The following ZFPM1 variants were observed in gnomAD, a reference collection of about 807,000 sequenced individuals.
ZFPM1 encodes the protein zinc finger protein, FOG family member 1, also known as zinc finger protein ZFPM1.
ZFPM1 carries 28 observed loss-of-function variants against 46.3 expected under a neutral mutation model. The observed-to-expected ratio is 0.60, with a 90% CI of 0.45 to 0.83. The LOEUF (loss-of-function observed/expected upper bound fraction) is 0.83. ZFPM1 is among the 40% of genes least tolerant of loss of function. The pLI, the probability that ZFPM1 is intolerant of heterozygous loss-of-function variation, is 0.00. For synonymous variants in ZFPM1, 957 were observed against 675.9 expected (o/e 1.42, Z -6.45); for missense variants, 1,878 against 1,432.4 (o/e 1.31, Z -5.02).
intron 1 of ZFPM1, among the ~76,000 whole-genome samples, chr16:88,470,961 C>T (rs972608488): frequency 2.0e-5 from 3 of 152,110 alleles, no homozygotes; most frequent in Admixed American, 6.5e-5. Flanking sequence ...GGAGACGCAG[C>T]GTGACGCACT....
intron 1 of ZFPM1, among the ~76,000 whole-genome samples, chr16:88,478,285 C>T (rs1908774205): frequency 6.6e-6 from 1 of 152,256 alleles, no homozygotes; most frequent in African/African-American, 2.4e-5. Context: ...AAGCCGCACC[C>T]TCACCGGCAT....
upstream of ZFPM1, among the ~76,000 whole-genome samples, chr16:88,452,912 G>C (rs1326915821): frequency 6.6e-6 from 1 of 152,196 alleles, no homozygotes; most frequent in Non-Finnish European, 1.5e-5. Flanking sequence ...TGACCTCCGG[G>C]CCAAAGAGGA....
chr16:88,495,960 G>T (rs564564958), intron 3 of ZFPM1, among the ~76,000 whole-genome samples: 2 of 152,302 alleles, frequency 1.3e-5, no homozygotes, highest in East Asian at 3.9e-4. Context: ...GCAAAGCGTG[G>T]CCGCATTGCC....
At chr16:88,470,223 C>T (rs1028073517) in intron 1 of ZFPM1, among the ~76,000 whole-genome samples, 11 of 152,186 alleles carry the variant, frequency 7.2e-5, no homozygotes, top group East Asian at 1.9e-4. Context: ...CTCACTCCTG[C>T]GGGGTCCTTG....
At chr16:88,462,806 G>C (rs1907957988) in intron 1 of ZFPM1, among the ~76,000 whole-genome samples, 1 of 151,850 alleles carries the variant, frequency 6.6e-6, no homozygotes, top group African/African-American at 2.4e-5. Flanking sequence ...CTTCGTGCAA[G>C]TCACTCAGCC....
rs200021109 is a variant in ZFPM1, at chr16:88,533,307, G to T, written c.1349G>T (p.Gly450Val). The T allele has an allele frequency of 2.0e-6, 3 of 1,532,312 alleles. No individual in the cohort carries two copies. The Admixed American group carries it at 6.0e-5, about 31-fold the overall frequency. The allele number at this position is 1,532,312 out of a possible 1,614,324, so 94.9% of individuals were successfully genotyped here. The change falls in exon 10 of 10, where the codon GGA becomes GTA. Residue 450 changes from glycine to valine, a missense_variant. Transcript: ENST00000319555. The part of the protein sequence containing the change: ...EARAEPLAQN[G>V]GSSEPPAAPR... ...AGAGCGGAGCCTCTGGCCCAGAATG[G>T]AGGCAGCAGCGAGCCCCCGGCGGCC...
At chr16:88,526,059 CA>C (rs1180533715) in intron 4 of ZFPM1, among the ~76,000 whole-genome samples, 2 of 152,148 alleles carry the variant, frequency 1.3e-5, no homozygotes, top group African/African-American at 4.8e-5. Flanking sequence ...ACAGTGAGGC[CA>C]GGGGGGCCAG....
intron 1 of ZFPM1, among the ~76,000 whole-genome samples, chr16:88,454,060 G>T (rs996671080): frequency 4.6e-5 from 7 of 152,224 alleles, no homozygotes; most frequent in Non-Finnish European, 7.3e-5. Context: ...TGCAAGTCCC[G>T]TCCTGATAAG....
In ZFPM1 at chr16:88,506,557, A is replaced by T. The variant is rs550339123; in HGVS notation, c.269-7830A>T. The stretch of plus-strand genomic sequence containing the variant: ...AGTGTGCGTCCGCAGAGTGGTGGCC[A>T]TCACTGGGTGTGCACGGGGCACAGC... On this transcript the variant is annotated intron_variant, in intron 3 of 9. Coordinates refer to ENST00000319555, the MANE Select transcript of ZFPM1 (RefSeq NM_153813.3). 3.3e-4 allele frequency among the ~76,000 whole-genome samples: 51 copies of T among 152,300 alleles called. 1 individual carries two copies. In the South Asian group the frequency reaches 0.01, roughly 30 times the overall value.
chr16:88,483,149 C>T (rs1452147667), intron 1 of ZFPM1, among the ~76,000 whole-genome samples: 4 of 152,246 alleles, frequency 2.6e-5, no homozygotes, highest in African/African-American at 9.6e-5. Flanking sequence ...CCTATAATTA[C>T]AGCTCTGAGG....
intron 3 of ZFPM1, among the ~76,000 whole-genome samples, chr16:88,514,106 C>T (rs923783920): frequency 2.0e-5 from 3 of 152,210 alleles, no homozygotes; most frequent in Admixed American, 6.5e-5. Context: ...CTGTCCCACC[C>T]GCAGCCCTTG....
At chr16:88,472,847 C>T (rs529422476) in intron 1 of ZFPM1, among the ~76,000 whole-genome samples, 1 of 152,374 alleles carries the variant, frequency 6.6e-6, no homozygotes, top group Admixed American at 6.5e-5. Flanking sequence ...ACTCCAGCAT[C>T]CTAGGCTCCG....
intron 1 of ZFPM1, 59 bp from the exon 2 acceptor site, chr16:88,485,880 G>A: frequency 6.5e-7 from 1 of 1,546,796 alleles, no homozygotes. Context: ...GGAGGGGTCA[G>A]GAGGCAGGAG....
At chr16:88,455,454 T>A (rs1240502175) in intron 1 of ZFPM1, among the ~76,000 whole-genome samples, 1 of 151,760 alleles carries the variant, frequency 6.6e-6, no homozygotes, top group South Asian at 2.1e-4. Context: ...CCGGGGCGCC[T>A]CCTCCCCATG....
At chr16:88,486,073 C>T (rs1193612281) in intron 2 of ZFPM1, 30 bp downstream of exon 2, 1 of 1,591,130 alleles carries the variant, frequency 6.3e-7, no homozygotes, top group Non-Finnish European at 8.6e-7. Flanking sequence ...CTCACCGCGC[C>T]TCCAGCCGGG....
intron 1 of ZFPM1, among the ~76,000 whole-genome samples, chr16:88,464,490 T>TACCCCAGCCTTCTTGGGACC: frequency 6.6e-6 from 1 of 152,282 alleles, no homozygotes; most frequent in Non-Finnish European, 1.5e-5. Context: ...GGCTTGGGAC[T>TACCCCAGCCTTCTTGGGACC]ACCCCAGCCT....
At position 88,532,232 on chromosome 16, in the gene ZFPM1, A is replaced by G; in HGVS notation, c.943A>G (p.Ser315Gly). Residue 315 changes from serine to glycine, a missense_variant, in exon 7 of 10, where the codon AGC becomes GGC. Coordinates refer to ENST00000319555, the MANE Select transcript of ZFPM1 (RefSeq NM_153813.3). Reference protein sequence around the residue: ...SSLEIHMRSHSGERPFVCLIC... With the variant: ...SSLEIHMRSHGGERPFVCLIC... ...CCTGGAGATCCACATGCGCAGCCAC[A>G]GCGGTGAGCCCCCACCCCGGACGCG... 2 of 1,598,648 alleles carry G rather than the reference A, an allele frequency of 1.3e-6. No individual in the cohort carries two copies. The highest frequency in any genetic ancestry group is 1.7e-6 in the Non-Finnish European group (2 of 1,169,802).
upstream of ZFPM1, among the ~76,000 whole-genome samples, chr16:88,453,137 C>G (rs1373534761): frequency 7.9e-6 from 1 of 127,156 alleles, no homozygotes; most frequent in South Asian, 2.8e-4. Context: ...GCCGGGCTGG[C>G]GGGGGCGTGG....
intron 4 of ZFPM1, among the ~76,000 whole-genome samples, chr16:88,523,297 A>AG (rs1912046475): frequency 6.7e-6 from 1 of 149,138 alleles, no homozygotes; most frequent in African/African-American, 2.4e-5. Flanking sequence ...CACCAGAGAA[A>AG]GGGCTTCTGT....
Sources: gnomAD v4.1 joint callset for allele counts (sites outside exome capture counted in the v4.1 genomes callset) on GRCh38, gnomAD v4.1.1 for gene constraint, MANE v1.5 for transcripts, NCBI Gene and HGNC (gene_info 2026-07-23, HGNC 2026-07-21) for gene names.